MRE11: variants seen among roughly 807,000 people sequenced by gnomAD.
MRE11 encodes MRE11 double strand break repair nuclease.
MRE11 carries 62 observed loss-of-function variants against 91.7 expected under a neutral mutation model. That is an observed-to-expected ratio of 0.68 (90% confidence interval 0.55 to 0.84). The LOEUF (loss-of-function observed/expected upper bound fraction) is 0.84. MRE11 is among the 40% of genes least tolerant of loss of function. MRE11 has a pLI of 0.00. For synonymous variants in MRE11, 273 were observed against 271.4 expected, an observed-to-expected ratio of 1.01 and a Z score of -0.06; for missense variants, 796 against 852.9, an observed-to-expected ratio of 0.93 and a Z score of 0.83.
At chr11:94,433,927 T>C (rs1208894419) in intron 18 of MRE11, among the ~76,000 whole-genome samples, 4 of 152,160 alleles carry the variant, frequency 2.6e-5, no homozygotes, top group African/African-American at 9.7e-5. Context: ...ATGACCATCC[T>C]TCAAAGTAGA....
At chr11:94,430,142 A>C (rs1056737428) in intron 18 of MRE11, among the ~76,000 whole-genome samples, 156 bp from the exon 19 acceptor site, 2 of 152,240 alleles carry the variant, frequency 1.3e-5, no homozygotes, top group African/African-American at 4.8e-5. Flanking sequence ...CTTAACTGTA[A>C]GGAAAAGGAC....
rs1360575383 is a variant in MRE11 at position 94,431,109 on chromosome 11, T to C, written c.1995-1123A>G. Among the ~76,000 whole-genome samples the C allele has an allele frequency of 4.5e-4, 68 of 152,200 alleles. 1 individual carries two copies. Among genetic ancestry groups the C allele is most frequent in the Admixed American group, 4.5e-3 (68 of 15,276 alleles). ...TTAGTCTACAATTTTATTAACATGC[T>C]TTGGGATGTCATTATAGCAAAAGAA... On this transcript the variant is annotated intron_variant, in intron 18 of 19. Transcript: ENST00000323929.
chr11:94,466,332 A>G (rs1946562094), intron 10 of MRE11, among the ~76,000 whole-genome samples: 1 of 152,130 alleles, frequency 6.6e-6, no homozygotes, highest in African/African-American at 2.4e-5. Flanking sequence ...GTGGAGAGAG[A>G]AGGAAACTGG....
chr11:94,497,938 T>G, upstream of MRE11: 1 of 666,284 alleles, frequency 1.5e-6, no homozygotes, highest in South Asian at 2.2e-5. Flanking sequence ...CTTAAATTAT[T>G]TTCATTTTAA....
chr11:94,441,034 T>C, intron 16 of MRE11, among the ~76,000 whole-genome samples: 1 of 152,156 alleles, frequency 6.6e-6, no homozygotes, highest in East Asian at 1.9e-4. Context: ...CCCATGAAGA[T>C]GCCAATTCAA....
intron 6 of MRE11, among the ~76,000 whole-genome samples, chr11:94,477,921 G>A (rs1283112840): frequency 6.6e-6 from 1 of 152,122 alleles, no homozygotes; most frequent in Admixed American, 6.5e-5. Context: ...GGAACCTCAG[G>A]GGACAGCTGG....
chr11:94,467,251 A>T (rs1257337261), intron 10 of MRE11, among the ~76,000 whole-genome samples: 1 of 152,212 alleles, frequency 6.6e-6, no homozygotes, highest in East Asian at 1.9e-4. Flanking sequence ...TGTTTATAAC[A>T]CGATAGAAAG....
chr11:94,476,486 C>T, intron 6 of MRE11, 83 bp from the exon 7 acceptor site: 1 of 887,224 alleles, frequency 1.1e-6, no homozygotes, highest in Non-Finnish European at 1.8e-6. Flanking sequence ...AAATTATGTC[C>T]TTCTCAAAGT....
chr11:94,492,550 T>G, intron 2 of MRE11: 1 of 702,010 alleles, frequency 1.4e-6, no homozygotes, highest in Non-Finnish European at 2.4e-6. Flanking sequence ...CAATACTATA[T>G]CAATATATCA....
chr11:94,492,577 C>T, intron 2 of MRE11: 1 of 871,734 alleles, frequency 1.1e-6, no homozygotes, highest in Non-Finnish European at 1.8e-6. Flanking sequence ...TGCAAGACTC[C>T]AATCTATAGC....
At chr11:94,505,065 T>TA in the MRE11 span, among the ~76,000 whole-genome samples, 1 of 152,224 alleles carries the variant, frequency 6.6e-6, no homozygotes, top group Non-Finnish European at 1.5e-5. Flanking sequence ...ATGCTAAATG[T>TA]AAACAAACCT....
chr11:94,467,328 A>G (rs1280287123), intron 10 of MRE11, among the ~76,000 whole-genome samples: 5 of 152,196 alleles, frequency 3.3e-5, no homozygotes, highest in African/African-American at 1.2e-4. Flanking sequence ...CCGTACATAG[A>G]TTAGAAGGAT....
At chr11:94,452,665 C>G (rs1946140190) in intron 14 of MRE11, among the ~76,000 whole-genome samples, 1 of 152,072 alleles carries the variant, frequency 6.6e-6, no homozygotes, top group Admixed American at 6.6e-5. Context: ...TTAACTCTAC[C>G]TTTCCTATGA....
chr11:94,445,025 A>G (rs1377190615), intron 16 of MRE11, among the ~76,000 whole-genome samples: 1 of 152,228 alleles, frequency 6.6e-6, no homozygotes, highest in Admixed American at 6.5e-5. Context: ...ATAGTTAAAC[A>G]GATCCCCTTG....
At chr11:94,450,861 T>C (rs1218919275) in intron 14 of MRE11, among the ~76,000 whole-genome samples, 1 of 152,018 alleles carries the variant, frequency 6.6e-6, no homozygotes, top group Non-Finnish European at 1.5e-5. Context: ...CAAAAACACA[T>C]TAGAATGAAT....
rs751108413 is a variant in MRE11 at position 94,447,367 on chromosome 11, A to T, written c.1635T>A (p.Leu545=). ...ESASAFSADD[L]MSIDLAEQMA... ...TCTGTTCTGCTAAATCTATACTCAT[A>T]AGGTCATCAGCACTAAAGGCAGAAG... The change falls in exon 15 of 20, where the codon CTT becomes CTA. Residue 545 remains leucine (L), a synonymous_variant. Coordinates refer to ENST00000323929, the MANE Select transcript of MRE11 (RefSeq NM_005591.4). 4.3e-6 allele frequency: 7 copies of T among 1,613,978 alleles called. No individual in the cohort carries two copies. The highest frequency in any genetic ancestry group is 2.5e-6 in the Non-Finnish European group (3 of 1,180,012).
chr11:94,456,310 T>C lies in MRE11; in HGVS notation c.1529A>G (p.Lys510Arg). The C allele has an allele frequency of 6.2e-7, 1 of 1,613,688 alleles. No individual in the cohort carries two copies. Among genetic ancestry groups the C allele is most frequent in the Non-Finnish European group, 8.5e-7 (1 of 1,179,868 alleles). ...TTCATCATCTTCTTCATTAGTATTT[T>C]TTTGTCTGGTTTCTCTGAAACGACG... ...EVRRFRETRQ[K>R]NTNEEDDEVR... Residue 510 changes from lysine to arginine, a missense_variant, in exon 14 of 20, where the codon AAA (lysine) becomes AGA (arginine). Physicochemically the swap from Lys to Arg is conservative, Grantham distance 26 (BLOSUM62 2). Coordinates refer to ENST00000323929, the MANE Select transcript of MRE11 (RefSeq NM_005591.4).
chr11:94,489,035 A>G (rs1038972384), intron 3 of MRE11, among the ~76,000 whole-genome samples: 5 of 152,216 alleles, frequency 3.3e-5, no homozygotes, highest in Admixed American at 2.6e-4. Flanking sequence ...ACTAAGATAC[A>G]GCATGAACAA....
At chr11:94,496,948 T>A (rs1339055890), upstream of MRE11, 10 of 1,610,962 alleles carry the variant, frequency 6.2e-6, no homozygotes, top group Non-Finnish European at 6.8e-6. Flanking sequence ...CTGAAAAAAA[T>A]CGGGTAAAAA....
Sources: allele counts gnomAD v4.1 joint callset (sites outside exome capture counted in the v4.1 genomes callset), GRCh38; gene constraint gnomAD v4.1.1; transcripts MANE v1.5; gene names NCBI Gene and HGNC (gene_info 2026-07-23, HGNC 2026-07-21).